Variants in ACP6 observed in about 807,000 individuals in gnomAD.
ACP6 encodes the protein acid phosphatase 6, lysophosphatidic, also known as lysophosphatidic acid phosphatase type 6.
In ACP6, 48 loss-of-function variants were observed where a neutral mutation model predicts 48.1. That is an observed-to-expected ratio of 1.00 (90% confidence interval 0.79 to 1.27). ACP6 has a LOEUF of 1.27. Among genes scored for constraint, ACP6 ranks in the 50% most tolerant of loss-of-function variants. The probability of loss-of-function intolerance (pLI) is 0.00; values close to 1 mark genes in which losing one functional copy is unlikely to be tolerated. For synonymous variants in ACP6, 172 were observed against 204.2 expected, an observed-to-expected ratio of 0.84 and a Z score of 1.34; for missense variants, 485 against 529.1, an observed-to-expected ratio of 0.92 and a Z score of 0.82.
rs1660450217 is a variant in ACP6 at position 147,659,785 on chromosome 1, C to A, written c.220-10G>T. 6.2e-7 allele frequency: 1 copy of A among 1,607,126 alleles called. No individual in the cohort carries two copies. Among genetic ancestry groups the A allele is most frequent in the African/African-American group, 1.3e-5 (1 of 74,354 alleles). On this transcript the variant is annotated splice_polypyrimidine_tract_variant and intron_variant, in intron 1 of 9. Coordinates refer to ENST00000583509, the MANE Select transcript of ACP6 (RefSeq NM_016361.5). ...GGGGGTTCCACTCTACCTGTTAGTACAAAAAAAACACACCACATTGTTTAA... is the reference window on the plus strand; with the variant it reads ...GGGGGTTCCACTCTACCTGTTAGTAAAAAAAAAACACACCACATTGTTTAA...
chr1:147,665,806 C>T (rs1338619348), intron 1 of ACP6, among the ~76,000 whole-genome samples: 3 of 152,186 alleles, frequency 2.0e-5, no homozygotes, highest in African/African-American at 7.2e-5. Flanking sequence ...GTACAGTTTT[C>T]AGATTTTCAA....
rs1553210768 is a variant in ACP6 at position 147,652,581 on chromosome 1, A to G, written c.781-32T>C. On this transcript the variant is annotated intron_variant, in intron 6 of 9. Transcript: ENST00000583509. ...GGGCCACATGTAGTTTTAGAAAAAA[A>G]TGCTTCTTACCTACTGATTCTGGCA... 3 of 1,613,764 alleles carry G rather than the reference A, an allele frequency of 1.9e-6. No individual in the cohort carries two copies. In the Admixed American group the frequency reaches 5.0e-5, roughly 27 times the overall value.
At chr1:147,658,102 C>T (rs1553212020) in intron 4 of ACP6, among the ~76,000 whole-genome samples, 1 of 152,246 alleles carries the variant, frequency 6.6e-6, no homozygotes. Context: ...TAGACACGTA[C>T]TGTTTGTGTG....
intron 5 of ACP6, among the ~76,000 whole-genome samples, chr1:147,635,138 AT>A (rs1557872520): frequency 6.6e-6 from 1 of 152,114 alleles, no homozygotes; most frequent in African/African-American, 2.4e-5. Context: ...TTGCCTTTGT[AT>A]TTTGGTTCTT....
intron 5 of ACP6, 23 bp from the exon 6 acceptor site, chr1:147,654,349 G>A: frequency 6.2e-7 from 1 of 1,612,206 alleles, no homozygotes; most frequent in South Asian, 1.1e-5. Flanking sequence ...AAAAAGTAAA[G>A]CCTTATATTC....
chr1:147,644,854 AT>A lies in ACP6; in HGVS notation c.*2568del, dbSNP rs1441165477. On this transcript the variant is annotated 3_prime_UTR_variant, in exon 10 of 10. Coordinates refer to ENST00000583509, the MANE Select transcript of ACP6 (RefSeq NM_016361.5). Reference sequence around the variant, plus strand: ...CAATGGGAAGTTTGATACCTATTGTATATCTTAAACATCCAAATAGAGACAT... The same window carrying A: ...CAATGGGAAGTTTGATACCTATTGTAATCTTAAACATCCAAATAGAGACAT... 3.9e-5 allele frequency: 6 copies of A among 151,958 alleles called. No individual in the cohort carries two copies. Among genetic ancestry groups the A allele is most frequent in the Non-Finnish European group, 8.8e-5 (6 of 67,868 alleles). The allele number at this position is 151,958 out of a possible 1,614,324, so 9.4% of individuals were successfully genotyped here. A position where few individuals can be genotyped will look rare whatever the true frequency, so the allele number is the denominator to read the frequency against.
rs185238652 is a variant in ACP6 at position 147,659,437 on chromosome 1, G to A, written c.438C>T (p.Asp146=). 3.0e-5 allele frequency: 48 copies of A among 1,614,200 alleles called. 1 individual carries two copies. The Admixed American group carries it at 5.2e-4, about 17-fold the overall frequency. The change falls in exon 3 of 10, where the codon GAC becomes GAT. Residue 146 remains aspartate (D), a synonymous_variant. Coordinates refer to ENST00000583509, the MANE Select transcript of ACP6 (RefSeq NM_016361.5). ...GERLRKNYVE[D]IPFLSPTFNP... is the part of the protein sequence containing the mutation. ...TGAAGGTTGGTGAAAGAAAGGGAAT[G>A]TCTTCCACATAGTTCTTCCTCAGTC... is the stretch of plus-strand genomic sequence containing the variant.
intron 8 of ACP6, 190 bp downstream of exon 8, chr1:147,649,953 T>G: frequency 1.9e-6 from 1 of 535,678 alleles, no homozygotes; most frequent in Middle Eastern, 4.7e-4. Context: ...TTTCAAAACA[T>G]GGTAGGAGGG....
chr1:147,647,668 C>T, intron 9 of ACP6, 102 bp from the exon 10 acceptor site: 1 of 1,417,286 alleles, frequency 7.1e-7, no homozygotes, highest in Non-Finnish European at 9.3e-7. Context: ...ATGTGGTATA[C>T]ATGTGCATAC....
chr1:147,655,149 AG>A lies in ACP6; in HGVS notation c.647+11del. Reference sequence around the variant, plus strand: ...GTCCCCAACTGGTGAGCAAGAACCCAGGGGCAGTTACCTGGTTCTCTGCCTC... The same window carrying A: ...GTCCCCAACTGGTGAGCAAGAACCCAGGGCAGTTACCTGGTTCTCTGCCTC... On this transcript the variant is annotated intron_variant, in intron 5 of 9. Coordinates refer to ENST00000583509, the MANE Select transcript of ACP6 (RefSeq NM_016361.5). The A allele has an allele frequency of 6.3e-7, 1 of 1,592,028 alleles. No individual in the cohort carries two copies. The highest frequency in any genetic ancestry group is 2.3e-5 in the East Asian group (1 of 44,170).
Position 147,650,155 on chromosome 1 carries a change from G to A in ACP6, c.965C>T (p.Pro322Leu), listed in dbSNP as rs1553210231. ...CTGTGCCAGGTACCTGATCTTGTCG[G>A]GGGCAGTGGCAGAGTCCATGGCTTT... ...LLKAMDSATA[P>L]DKIRKLYLYA... Residue 322 changes from proline to leucine, a missense_variant, in exon 8 of 10, where the codon CCC becomes CTC. Coordinates refer to ENST00000583509, the MANE Select transcript of ACP6 (RefSeq NM_016361.5). 5.0e-6 allele frequency: 8 copies of A among 1,607,172 alleles called. No homozygotes were observed. The highest frequency in any genetic ancestry group is 1.1e-5 in the South Asian group (1 of 89,870).
Position 147,659,057 on chromosome 1 carries a change from A to G in ACP6, c.480-18T>C, listed in dbSNP as rs1660399657. 1 of 1,594,492 alleles carries G rather than the reference A, an allele frequency of 6.3e-7. No individual in the cohort carries two copies. The highest frequency in any genetic ancestry group is 1.1e-5 in the South Asian group (1 of 89,844). On this transcript the variant is annotated intron_variant, in intron 3 of 9. Coordinates refer to ENST00000583509, the MANE Select transcript of ACP6 (RefSeq NM_016361.5). The stretch of plus-strand genomic sequence containing the variant: ...AACGAATACTGAAAAAAATGAGAAA[A>G]TAGTGACACTCATAAAAGGAATATT...
At chr1:147,635,934 T>C (rs1457275842) in intron 5 of ACP6, among the ~76,000 whole-genome samples, 1 of 152,160 alleles carries the variant, frequency 6.6e-6, no homozygotes, top group Non-Finnish European at 1.5e-5. Flanking sequence ...TAAAAATGAA[T>C]CAGTGACTAA....
At chr1:147,652,352 A>T in intron 7 of ACP6, 97 bp downstream of exon 7, 1 of 1,229,896 alleles carries the variant, frequency 8.1e-7, no homozygotes, top group Non-Finnish European at 1.1e-6. Flanking sequence ...AGGAGACATC[A>T]GCTGTCAGGT....
chr1:147,669,354 G>C (rs587700081), intron 1 of ACP6, among the ~76,000 whole-genome samples: 1 of 152,194 alleles, frequency 6.6e-6, no homozygotes, highest in East Asian at 1.9e-4. Flanking sequence ...CAAAGGCAAC[G>C]ACCTCTTATC....
In ACP6 at chr1:147,659,049, A is replaced by G. The variant is rs782054761; in HGVS notation, c.480-10T>C. On this transcript the variant is annotated splice_polypyrimidine_tract_variant and intron_variant, in intron 3 of 9. Transcript: ENST00000583509. ...GTTAGTGGAACGAATACTGAAAAAA[A>G]TGAGAAAATAGTGACACTCATAAAA... 6.0e-5 allele frequency: 96 copies of G among 1,605,966 alleles called. No homozygotes were observed. Among genetic ancestry groups the G allele is most frequent in the Admixed American group, 2.0e-4 (12 of 58,600 alleles).
chr1:147,639,807 T>C (rs587756724), downstream of ACP6, among the ~76,000 whole-genome samples: 3 of 152,264 alleles, frequency 2.0e-5, no homozygotes, highest in Non-Finnish European at 4.4e-5. Flanking sequence ...ACTTTTAATC[T>C]CTCTCAAATC....
chr1:147,659,891 C>T (rs1660459377), intron 1 of ACP6, 116 bp from the exon 2 acceptor site: 3 of 1,256,314 alleles, frequency 2.4e-6, no homozygotes, highest in Middle Eastern at 2.8e-4. Flanking sequence ...AGGCCTGCAA[C>T]CTTCCTATGG....
chr1:147,668,287 G>C (rs931066713), intron 1 of ACP6, among the ~76,000 whole-genome samples: 25 of 152,246 alleles, frequency 1.6e-4, no homozygotes, highest in Non-Finnish European at 3.1e-4. Flanking sequence ...GATTGAAGAT[G>C]AATGAAGCTG....
Sources: allele counts gnomAD v4.1 joint callset (sites outside exome capture counted in the v4.1 genomes callset), GRCh38; gene constraint gnomAD v4.1.1; transcripts MANE v1.5; gene names NCBI Gene and HGNC (gene_info 2026-07-23, HGNC 2026-07-21).